CNNM3: variants seen among roughly 807,000 people sequenced by gnomAD.
CNNM3 encodes metal transporter CNNM3.
In CNNM3, 47 loss-of-function variants were observed where a neutral mutation model predicts 57.1. The observed-to-expected ratio is 0.82, with a 90% confidence interval of 0.65 to 1.05. The LOEUF (loss-of-function observed/expected upper bound fraction) is 1.05, where lower values mean the gene tolerates loss of function less well. Ranked by LOEUF, CNNM3 falls within the 50% of genes least tolerant of loss-of-function variation. The probability of loss-of-function intolerance (pLI) is 0.00; values close to 1 mark genes in which losing one functional copy is unlikely to be tolerated. For synonymous variants in CNNM3, 507 were observed against 478.2 expected, an observed-to-expected ratio of 1.06 and a Z score of -0.79; for missense variants, 957 against 973.7, an observed-to-expected ratio of 0.98 and a Z score of 0.23.
chr2:96,822,547 C>T (rs1236218239), intron 1 of CNNM3, among the ~76,000 whole-genome samples: 1 of 152,132 alleles, frequency 6.6e-6, no homozygotes. Flanking sequence ...TGGCCTCAAG[C>T]GATCCTCCCA....
chr2:96,826,753 CA>C, intron 2 of CNNM3, 79 bp from the exon 3 acceptor site: 2 of 1,538,670 alleles, frequency 1.3e-6, no homozygotes, highest in Non-Finnish European at 1.8e-6. Flanking sequence ...GAGGAAGGAG[CA>C]GGCGATGCAG....
Position 96,828,163 on chromosome 2 carries a change from A to G in CNNM3, c.1754A>G (p.Tyr585Cys). ...LKFENGAFTY[Y>C]GVSALTVPSS... is the part of the protein sequence containing the mutation. Reference sequence around the variant, plus strand: ...TTTGAGAATGGGGCCTTCACGTACTATGGAGTGTCGGCCCTAACTGTGCCA... The same window carrying G: ...TTTGAGAATGGGGCCTTCACGTACTGTGGAGTGTCGGCCCTAACTGTGCCA... Residue 585 changes from tyrosine (Y) to cysteine (C), a missense_variant, in exon 5 of 8, where the codon TAT becomes TGT. By Grantham distance (194) the Tyr-to-Cys change is radical (BLOSUM62 -2). This residue lies in a region of CNNM3 where 491 missense variants were observed against 570.6 expected (regional missense o/e 0.86). Transcript: ENST00000305510. The G allele has an allele frequency of 1.2e-6, 2 of 1,614,088 alleles. No individual in the cohort carries two copies. The highest frequency in any genetic ancestry group is 1.7e-6 in the Non-Finnish European group (2 of 1,180,004).
Position 96,832,558 on chromosome 2 carries a change from G to T in CNNM3, c.2066G>T (p.Ser689Ile). 1 of 1,614,204 alleles carries T rather than the reference G, an allele frequency of 6.2e-7. No individual in the cohort carries two copies. The highest frequency in any genetic ancestry group is 1.1e-5 in the South Asian group (1 of 91,082). ...GEKTTTAAGS[S>I]HSRPGVPVEG... The stretch of plus-strand genomic sequence containing the variant: ...CTTCCCTTGTCTCCTGTAGGGTCCA[G>T]CCACAGCAGGCCCGGCGTCCCGGTG... The change falls in exon 8 of 8, where the codon AGC becomes ATC. Residue 689 changes from serine (S) to isoleucine (I), a missense_variant. Ser to Ile is a moderately radical substitution (Grantham distance 142). Transcript: ENST00000305510.
rs1455817879 is a variant in CNNM3, at chr2:96,816,678, C to G, written c.401C>G (p.Pro134Arg). The G allele has an allele frequency of 3.9e-6, 4 of 1,025,836 alleles. No individual in the cohort carries two copies. The South Asian group carries it at 1.8e-4, about 46-fold the overall frequency. The allele number at this position is 1,025,836 out of a possible 1,614,324, so 63.5% of individuals were successfully genotyped here. A position where few individuals can be genotyped will look rare whatever the true frequency, so the allele number is the denominator to read the frequency against. Residue 134 changes from proline (P) to arginine (R), a missense_variant, in exon 1 of 8, where the codon CCC (proline) becomes CGC (arginine). Physicochemically the swap from Pro to Arg is moderately radical, Grantham distance 103. Coordinates refer to ENST00000305510, the MANE Select transcript of CNNM3 (RefSeq NM_017623.5). ...GGGAAEEAAP[P>R]WALGLGAAGL... is the part of the protein sequence containing the mutation. ...GGGGCGGCTGAGGAGGCGGCGCCGCCCTGGGCTCTGGGCCTGGGGGCGGCC... is the reference window on the plus strand; with the variant it reads ...GGGGCGGCTGAGGAGGCGGCGCCGCGCTGGGCTCTGGGCCTGGGGGCGGCC...
chr2:96,836,826 ATC>A (rs557991388), downstream of CNNM3: 148 of 151,656 alleles, frequency 9.8e-4, 1 homozygote, highest in African/African-American at 3.0e-3. Context: ...CCCAAAGGTT[ATC>A]TGTTTTTTCC....
intron 1 of CNNM3, chr2:96,824,845 T>G (rs959139874): frequency 3.4e-6 from 2 of 591,944 alleles, no homozygotes; most frequent in Non-Finnish European, 6.0e-6. Flanking sequence ...ATGAGCCCAC[T>G]GCTTCATTTT....
chr2:96,822,990 G>A (rs1008266368), intron 1 of CNNM3, among the ~76,000 whole-genome samples: 2 of 152,198 alleles, frequency 1.3e-5, no homozygotes, highest in Non-Finnish European at 2.9e-5. Flanking sequence ...AGGCATCAGT[G>A]TGAGTGGTTC....
Position 96,833,422 on chromosome 2 carries a change from C to G in CNNM3, c.*806C>G, listed in dbSNP as rs1245136960. 2 of 198,720 alleles carry G rather than the reference C, an allele frequency of 1.0e-5. No homozygotes were observed. Among genetic ancestry groups the G allele is most frequent in the Non-Finnish European group, 2.1e-5 (2 of 95,874 alleles). 12.3% of individuals were successfully genotyped at this position (198,720 alleles called of 1,614,324 possible). A position where few individuals can be genotyped will look rare whatever the true frequency, so the allele number is the denominator to read the frequency against. ...GAATCCTCTCTCCGCCGTGTGGCCC[C>G]CAGGAGAGTAGCTGCCTGTTGCACC... On this transcript the variant is annotated 3_prime_UTR_variant, in exon 8 of 8. Coordinates refer to ENST00000305510, the MANE Select transcript of CNNM3 (RefSeq NM_017623.5).
intron 3 of CNNM3, among the ~76,000 whole-genome samples, chr2:96,827,500 G>A (rs1161589660): frequency 1.3e-5 from 2 of 151,976 alleles, no homozygotes; most frequent in African/African-American, 2.4e-5. Context: ...ACTCCTGACT[G>A]CAGGTGATCC....
At chr2:96,827,609 T>C in intron 3 of CNNM3, 122 bp from the exon 4 acceptor site, 1 of 998,724 alleles carries the variant, frequency 1.0e-6, no homozygotes, top group Non-Finnish European at 1.5e-6. Context: ...GGGCAGCTGC[T>C]CACAGGCCAC....
chr2:96,816,851 G>A lies in CNNM3; in HGVS notation c.574G>A (p.Gly192Ser). Reference sequence around the variant, plus strand: ...TTTGGAGCCCGCGCGGCGCTGGGCCGGCTGCGCCTTGGGCGCGCTGCTGCT... The same window carrying A: ...TTTGGAGCCCGCGCGGCGCTGGGCCAGCTGCGCCTTGGGCGCGCTGCTGCT... ...RRLEPARRWAGCALGALLLLA... is the reference protein window; with the variant it reads ...RRLEPARRWASCALGALLLLA... Residue 192 changes from glycine to serine, a missense_variant, in exon 1 of 8, where the codon GGC (glycine) becomes AGC (serine). Around this residue, in one of 2 missense-constraint regions of CNNM3, gnomAD observed 466 missense variants for 403.1 expected, o/e 1.16. Transcript: ENST00000305510. The A allele has an allele frequency of 9.4e-7, 1 of 1,063,604 alleles. No individual in the cohort carries two copies. The highest frequency in any genetic ancestry group is 1.1e-6 in the Non-Finnish European group (1 of 884,308). 65.9% of individuals were successfully genotyped at this position (1,063,604 alleles called of 1,614,324 possible).
At position 96,833,208 on chromosome 2, in the gene CNNM3, CG is replaced by C; in HGVS notation, c.*593del. ...GTGCCAAACCAGAAGCTCCACTGCC[CG>C]TAGGCTGTCCCTGTAGCCCTGCTCC... On this transcript the variant is annotated 3_prime_UTR_variant, in exon 8 of 8. Coordinates refer to ENST00000305510, the MANE Select transcript of CNNM3 (RefSeq NM_017623.5). The C allele has an allele frequency of 5.3e-6, 2 of 377,382 alleles. No individual in the cohort carries two copies. Among genetic ancestry groups the C allele is most frequent in the Non-Finnish European group, 5.2e-6 (1 of 193,994 alleles). 23.4% of individuals were successfully genotyped at this position (377,382 alleles called of 1,614,324 possible). A position where few individuals can be genotyped will look rare whatever the true frequency, so the allele number is the denominator to read the frequency against.
intron 7 of CNNM3, chr2:96,829,335 C>T (rs1404341186): frequency 3.4e-6 from 2 of 588,736 alleles, no homozygotes; most frequent in South Asian, 7.5e-5. Context: ...CTCTGTTGCT[C>T]TGTTGCCCAG....
intron 1 of CNNM3, among the ~76,000 whole-genome samples, chr2:96,818,576 G>T (rs771768231): frequency 2.0e-5 from 3 of 152,058 alleles, no homozygotes; most frequent in African/African-American, 4.8e-5. Flanking sequence ...TAACCCTAAG[G>T]TCTCAAGTTC....
At chr2:96,822,542 TC>T in intron 1 of CNNM3, among the ~76,000 whole-genome samples, 1 of 152,218 alleles carries the variant, frequency 6.6e-6, no homozygotes, top group East Asian at 1.9e-4. Context: ...ACTCCTGGCC[TC>T]AAGCGATCCT....
intron 2 of CNNM3, 111 bp downstream of exon 2, chr2:96,825,312 C>A: frequency 7.5e-7 from 1 of 1,336,164 alleles, no homozygotes; most frequent in Non-Finnish European, 1.0e-6. Flanking sequence ...CAGCAAGATC[C>A]ACAGCCAGGC....
At position 96,832,591 on chromosome 2, in the gene CNNM3, G is replaced by T. The variant is rs771063336; in HGVS notation, c.2099G>T (p.Ser700Ile). 1 of 1,613,984 alleles carries T rather than the reference G, an allele frequency of 6.2e-7. No individual in the cohort carries two copies. Among genetic ancestry groups the T allele is most frequent in the African/African-American group, 1.3e-5 (1 of 74,940 alleles). ...HSRPGVPVEG[S>I]PGRNPGV ...AGGCCCGGCGTCCCGGTGGAAGGCA[G>T]CCCTGGGCGGAACCCAGGCGTTTAA... The change falls in exon 8 of 8, where the codon AGC (serine) becomes ATC (isoleucine). Residue 700 changes from serine (S) to isoleucine (I), a missense_variant. By Grantham distance (142) the Ser-to-Ile change is moderately radical. Around this residue, in one of 2 missense-constraint regions of CNNM3, gnomAD observed 491 missense variants for 570.6 expected, o/e 0.86. Transcript: ENST00000305510.
downstream of CNNM3, among the ~76,000 whole-genome samples, chr2:96,835,767 A>C (rs1024889734): frequency 1.3e-5 from 2 of 152,174 alleles, no homozygotes; most frequent in African/African-American, 4.8e-5. Context: ...GCACCTGGCC[A>C]CAAACTGTCA....
chr2:96,834,993 C>G lies in CNNM3; in HGVS notation c.*2377C>G, dbSNP rs1339107963. On this transcript the variant is annotated 3_prime_UTR_variant, in exon 8 of 8. Transcript: ENST00000305510. Reference sequence around the variant, plus strand: ...CAGTATTCCAACAAAGACTCTGACACTGGTGCGATGTGGGTGGACAGTCCA... The same window carrying G: ...CAGTATTCCAACAAAGACTCTGACAGTGGTGCGATGTGGGTGGACAGTCCA... 2.0e-5 allele frequency among the ~76,000 whole-genome samples: 3 copies of G among 152,186 alleles called. No individual in the cohort carries two copies. The highest frequency in any genetic ancestry group is 7.2e-5 in the African/African-American group (3 of 41,440).
Sources: gnomAD v4.1 joint callset for allele counts (sites outside exome capture counted in the v4.1 genomes callset) on GRCh38, gnomAD v4.1.1 for gene constraint, gnomAD v4.1.1 regional missense constraint, MANE v1.5 for transcripts, NCBI Gene and HGNC (gene_info 2026-07-23, HGNC 2026-07-21) for gene names.